BAALC: variants seen among roughly 807,000 people sequenced by gnomAD.
The protein encoded by BAALC is BAALC binder of MAP3K1 and KLF4.
Under a neutral mutation model 15.5 loss-of-function variants are expected in BAALC, and 9 were observed. The ratio of observed to expected loss-of-function variants is 0.58; its 90% CI spans 0.35 to 1.02. The LOEUF (loss-of-function observed/expected upper bound fraction) is 1.02, where lower values mean the gene tolerates loss of function less well. Ranked by LOEUF, BAALC falls within the 50% of genes least tolerant of loss-of-function variation. The pLI is 0.02. For missense variants in BAALC, 201 were observed against 192.4 expected, an observed-to-expected ratio of 1.04 and a Z score of -0.27; for synonymous variants, 80 against 74.6, an observed-to-expected ratio of 1.07 and a Z score of -0.37.
At chr8:103,186,479 G>A (rs1227891819) in intron 1 of BAALC, among the ~76,000 whole-genome samples, 1 of 152,186 alleles carries the variant, frequency 6.6e-6, no homozygotes, top group Non-Finnish European at 1.5e-5. Flanking sequence ...CCAATAAAAT[G>A]CAGTGAATAA....
intron 1 of BAALC, among the ~76,000 whole-genome samples, chr8:103,206,347 A>AGGG (rs1415887859): frequency 6.6e-6 from 1 of 152,086 alleles, no homozygotes; most frequent in East Asian, 1.9e-4. Context: ...GCTCTCCCTG[A>AGGG]AGTCATCAGG....
chr8:103,200,715 G>T (rs1812196056), intron 1 of BAALC: 2 of 700,426 alleles, frequency 2.9e-6, no homozygotes, highest in Non-Finnish European at 5.2e-6. Flanking sequence ...TCTGATGAAG[G>T]CTTGTTCTCT....
intron 2 of BAALC, among the ~76,000 whole-genome samples, chr8:103,221,424 T>C (rs1465178126): frequency 6.6e-6 from 1 of 151,392 alleles, no homozygotes; most frequent in Non-Finnish European, 1.5e-5. Flanking sequence ...GAGAAAAAGG[T>C]GCTAATTAGG....
chr8:103,198,609 A>C (rs890456169), intron 1 of BAALC, among the ~76,000 whole-genome samples: 1 of 152,132 alleles, frequency 6.6e-6, no homozygotes, highest in Non-Finnish European at 1.5e-5. Context: ...ATAGTTTTTT[A>C]AACATAAAAG....
intron 1 of BAALC, among the ~76,000 whole-genome samples, chr8:103,185,536 A>G (rs1462457584): frequency 6.6e-6 from 1 of 152,244 alleles, no homozygotes; most frequent in Non-Finnish European, 1.5e-5. Flanking sequence ...CCCTATTTCT[A>G]TGTCAATTTA....
intron 1 of BAALC, among the ~76,000 whole-genome samples, chr8:103,182,642 T>C (rs780405762): frequency 1.1e-4 from 17 of 152,192 alleles, no homozygotes; most frequent in Non-Finnish European, 2.2e-4. Context: ...TATTGATTAT[T>C]ATTGTGTTGT....
intron 1 of BAALC, among the ~76,000 whole-genome samples, chr8:103,152,733 C>T (rs914495757): frequency 6.6e-6 from 1 of 152,150 alleles, no homozygotes; most frequent in Non-Finnish European, 1.5e-5. Context: ...GGGATTTAGC[C>T]CATGGAAGGT....
rs111320783 is a variant in BAALC at position 103,224,484 on chromosome 8, A to G, written c.328-3505A>G. Among the ~76,000 whole-genome samples, 621 of 152,278 alleles carry G rather than the reference A, an allele frequency of 4.1e-3. 3 individuals are homozygous for G. Among genetic ancestry groups the G allele is most frequent in the African/African-American group, 0.013 (535 of 41,558 alleles). ...AAATTTAAATATTTTCTGGTAGACAATTGGTTGCGTTTATCTGAAGACCTA... is the reference window on the plus strand; with the variant it reads ...AAATTTAAATATTTTCTGGTAGACAGTTGGTTGCGTTTATCTGAAGACCTA... On this transcript the variant is annotated intron_variant, in intron 2 of 2. Transcript: ENST00000309982.
At chr8:103,194,523 T>C (rs937349410) in intron 1 of BAALC, among the ~76,000 whole-genome samples, 1 of 152,218 alleles carries the variant, frequency 6.6e-6, no homozygotes, top group Non-Finnish European at 1.5e-5. Flanking sequence ...AGTTACCATA[T>C]TCCCTCCCCT....
intron 1 of BAALC, among the ~76,000 whole-genome samples, chr8:103,165,341 C>T (rs1395347262): frequency 1.3e-5 from 2 of 152,182 alleles, no homozygotes; most frequent in Admixed American, 6.5e-5. Context: ...CTTCACGCTC[C>T]TACCAAATGC....
chr8:103,229,187 TAGG>T lies in BAALC; in HGVS notation c.*1090_*1092del, dbSNP rs1812869544. On this transcript the variant is annotated 3_prime_UTR_variant, in exon 3 of 3. Transcript: ENST00000309982. ...CTGACACAGAAAAAGGATGTTTTGATAGGAATAATTTTCTAGTATGTCTTGAAA... is the reference window on the plus strand; with the variant it reads ...CTGACACAGAAAAAGGATGTTTTGATAATAATTTTCTAGTATGTCTTGAAA... The T allele has an allele frequency of 6.6e-6, 1 of 152,232 alleles. No individual in the cohort carries two copies. The highest frequency in any genetic ancestry group is 6.5e-5 in the Admixed American group (1 of 15,280). 9.4% of individuals were successfully genotyped at this position (152,232 alleles called of 1,614,324 possible). A position where few individuals can be genotyped will look rare whatever the true frequency, so the allele number is the denominator to read the frequency against.
At chr8:103,225,948 C>A (rs1053689763) in intron 2 of BAALC, among the ~76,000 whole-genome samples, 2 of 152,160 alleles carry the variant, frequency 1.3e-5, no homozygotes, top group African/African-American at 4.8e-5. Flanking sequence ...ATAAATACAA[C>A]AGAACAATGG....
At chr8:103,166,380 C>T (rs1484829325) in intron 1 of BAALC, 1 of 152,490 alleles carries the variant, frequency 6.6e-6, no homozygotes, top group Non-Finnish European at 1.5e-5. Context: ...GCCAAAGAGC[C>T]CTGTTTCCTC....
chr8:103,141,922 G>A lies in BAALC; in HGVS notation c.160+865G>A, dbSNP rs150071380. On this transcript the variant is annotated intron_variant, in intron 1 of 2. Transcript: ENST00000309982. ...TTTTAGCAGAACAAGTAATTATAGC[G>A]CAGAGATGCAAACTGTTGCCACAGA... 1.4e-4 allele frequency among the ~76,000 whole-genome samples: 22 copies of A among 152,188 alleles called. No homozygotes were observed. In the East Asian group the frequency reaches 1.7e-3, roughly 12 times the overall value.
chr8:103,204,173 T>C (rs1183498082), intron 1 of BAALC, among the ~76,000 whole-genome samples: 1 of 152,214 alleles, frequency 6.6e-6, no homozygotes, highest in Non-Finnish European at 1.5e-5. Context: ...CTTTGATAGC[T>C]AATGATGCTG....
At position 103,188,225 on chromosome 8, in the gene BAALC, C is replaced by T. The variant is rs1811888748; in HGVS notation, c.161-24694C>T. Reference sequence around the variant, plus strand: ...TGGCCAGACCACTGCCACAGCCCCACCTCACAGCTCCCAGATTCAAGTCCA... The same window carrying T: ...TGGCCAGACCACTGCCACAGCCCCATCTCACAGCTCCCAGATTCAAGTCCA... On this transcript the variant is annotated intron_variant, in intron 1 of 2. Coordinates refer to ENST00000309982, the MANE Select transcript of BAALC (RefSeq NM_024812.3). Among the ~76,000 whole-genome samples the T allele has an allele frequency of 2.0e-5, 3 of 152,136 alleles. No homozygotes were observed. The South Asian group carries it at 6.2e-4, about 32-fold the overall frequency.
At chr8:103,212,286 A>C (rs902290836) in intron 1 of BAALC, among the ~76,000 whole-genome samples, 4 of 152,182 alleles carry the variant, frequency 2.6e-5, no homozygotes, top group Admixed American at 1.3e-4. Flanking sequence ...CTCTACAAAA[A>C]AATATACAAA....
chr8:103,166,847 A>G (rs1811360523), intron 1 of BAALC, among the ~76,000 whole-genome samples: 1 of 152,212 alleles, frequency 6.6e-6, no homozygotes, highest in Non-Finnish European at 1.5e-5. Flanking sequence ...TTTATAATCC[A>G]CAATGCCCAA....
In BAALC at chr8:103,228,345, T is replaced by G; in HGVS notation, c.*246T>G. On this transcript the variant is annotated 3_prime_UTR_variant, in exon 3 of 3. Transcript: ENST00000309982. ...TGTTAATAAACTGCAAATGTGCAGT[T>G]CAGTTTGTCTCTTTGCAACTCCTGT... The G allele has an allele frequency of 2.5e-6, 1 of 406,222 alleles. No homozygotes were observed. The highest frequency in any genetic ancestry group is 4.2e-5 in the South Asian group (1 of 23,938). 25.2% of individuals were successfully genotyped at this position (406,222 alleles called of 1,614,324 possible).
Sources: allele counts gnomAD v4.1 joint callset (sites outside exome capture counted in the v4.1 genomes callset), GRCh38; gene constraint gnomAD v4.1.1; transcripts MANE v1.5; gene names NCBI Gene and HGNC (gene_info 2026-07-23, HGNC 2026-07-21).